The following FBXL2 variants were observed in gnomAD, a reference collection of about 807,000 sequenced individuals.
The protein encoded by FBXL2 is F-box/LRR-repeat protein 2.
FBXL2 carries 38 observed loss-of-function variants against 69.2 expected under a neutral mutation model. The ratio of observed to expected loss-of-function variants is 0.55; its 90% confidence interval spans 0.42 to 0.72. The LOEUF (loss-of-function observed/expected upper bound fraction) is 0.72, where lower values mean the gene tolerates loss of function less well. Among genes scored for constraint, FBXL2 ranks in the 30% least tolerant of loss-of-function variants. FBXL2 has a pLI of 0.00. For missense variants in FBXL2, 354 were observed against 520.3 expected, an observed-to-expected ratio of 0.68 and a Z score of 3.11; for synonymous variants, 192 against 201.3, an observed-to-expected ratio of 0.95 and a Z score of 0.39.
intron 2 of FBXL2, among the ~76,000 whole-genome samples, chr3:33,328,643 C>T (rs1213423334): frequency 6.6e-6 from 1 of 152,036 alleles, no homozygotes; most frequent in East Asian, 1.9e-4. Context: ...CTGGATAACC[C>T]TATCCAGAAA....
At chr3:33,378,065 T>C in intron 11 of FBXL2, 38 bp from the exon 12 acceptor site, 1 of 1,608,242 alleles carries the variant, frequency 6.2e-7, no homozygotes. Context: ...CTGTCACCAC[T>C]GACTCACATG....
At chr3:33,383,462 T>G (rs1244400420) in intron 13 of FBXL2, 1 of 160,030 alleles carries the variant, frequency 6.2e-6, no homozygotes, top group African/African-American at 2.4e-5. Context: ...TAATGTCAGA[T>G]CACACTGTTC....
intron 2 of FBXL2, 28 bp downstream of exon 2, chr3:33,297,753 A>G (rs1266693026): frequency 1.5e-6 from 2 of 1,312,064 alleles, no homozygotes; most frequent in Non-Finnish European, 2.2e-6. Flanking sequence ...CTGGATGAAG[A>G]GTTTAGATCT....
chr3:33,409,621 G>A, the FBXL2 span: 2 of 1,613,994 alleles, frequency 1.2e-6, no homozygotes, highest in Non-Finnish European at 1.7e-6. Context: ...GATTCAGGCT[G>A]AAATGGATTC....
chr3:33,294,254 G>A (rs2035532125), intron 1 of FBXL2, among the ~76,000 whole-genome samples: 1 of 151,956 alleles, frequency 6.6e-6, no homozygotes, highest in Non-Finnish European at 1.5e-5. Flanking sequence ...ATGCCACCAT[G>A]CCCTGCTGAT....
At position 33,373,855 on chromosome 3, in the gene FBXL2, T is replaced by C. The variant is rs2042458363; in HGVS notation, c.591T>C (p.Asp197=). The C allele has an allele frequency of 6.2e-7, 1 of 1,614,242 alleles. No individual in the cohort carries two copies. ...TTTCTCTGTCCACTCAGTTAGAAGATGAAGCTCTGAAACACATTCAGAATT... is the reference window on the plus strand; with the variant it reads ...TTTCTCTGTCCACTCAGTTAGAAGACGAAGCTCTGAAACACATTCAGAATT... The part of the protein sequence containing the change: ...LLLRGCTQLE[D]EALKHIQNYC... Residue 197 remains aspartate, a synonymous_variant, in exon 9 of 15, where the codon GAT becomes GAC. Transcript: ENST00000484457.
chr3:33,279,272 TC>T (rs1262665688), intron 1 of FBXL2, among the ~76,000 whole-genome samples: 6 of 151,680 alleles, frequency 4.0e-5, no homozygotes, highest in Non-Finnish European at 5.9e-5. Flanking sequence ...AAAACTGTAT[TC>T]TTTTTTTTTT....
intron 13 of FBXL2, chr3:33,382,582 T>G (rs2043136413): frequency 6.6e-6 from 1 of 151,858 alleles, no homozygotes; most frequent in Admixed American, 6.6e-5. Context: ...TGTGATTTAT[T>G]TATCCTTTCT....
chr3:33,373,348 G>T lies in FBXL2; in HGVS notation c.448G>T (p.Gly150Trp). ...GTCTATTACAAACAGCTCCTTGAAG[G>T]GGATCAGGTAAGAGTGCCCATTGTT... ...CVSITNSSLK[G>W]ISEGCRNLEY... The change falls in exon 7 of 15, where the codon GGG becomes TGG. Residue 150 changes from glycine (G) to tryptophan (W), a missense_variant. Gly to Trp is a radical substitution (Grantham distance 184). Coordinates refer to ENST00000484457, the MANE Select transcript of FBXL2 (RefSeq NM_012157.5). 6.2e-7 allele frequency: 1 copy of T among 1,610,644 alleles called. No individual in the cohort carries two copies. The highest frequency in any genetic ancestry group is 1.1e-5 in the South Asian group (1 of 91,006).
chr3:33,383,725 C>T (rs2043214324), intron 13 of FBXL2: 2 of 443,268 alleles, frequency 4.5e-6, no homozygotes, highest in Middle Eastern at 6.6e-4. Context: ...CAAAGGGCCC[C>T]AAGGCTTTGT....
At chr3:33,290,769 A>C (rs966630277) in intron 1 of FBXL2, among the ~76,000 whole-genome samples, 1 of 152,194 alleles carries the variant, frequency 6.6e-6, no homozygotes, top group Non-Finnish European at 1.5e-5. Flanking sequence ...GAGCAGGGAC[A>C]GAAGTCTGAA....
intron 1 of FBXL2, among the ~76,000 whole-genome samples, chr3:33,281,861 TC>T (rs2034048671): frequency 6.6e-6 from 1 of 152,352 alleles, no homozygotes; most frequent in South Asian, 2.1e-4. Flanking sequence ...AAGTGTCTGT[TC>T]ATATCCGTTG....
intron 2 of FBXL2, among the ~76,000 whole-genome samples, chr3:33,341,517 G>T (rs1235822232): frequency 3.9e-5 from 6 of 151,948 alleles, no homozygotes; most frequent in African/African-American, 1.5e-4. Flanking sequence ...AGAAATGGAG[G>T]GTAGTACTGT....
chr3:33,316,162 G>A (rs1308982663), intron 2 of FBXL2, among the ~76,000 whole-genome samples: 6 of 151,494 alleles, frequency 4.0e-5, no homozygotes, highest in African/African-American at 1.5e-4. Flanking sequence ...GGGTTCAAGT[G>A]ATTCTCTTGC....
chr3:33,303,488 A>G (rs952004983), intron 2 of FBXL2, among the ~76,000 whole-genome samples: 6 of 152,180 alleles, frequency 3.9e-5, no homozygotes, highest in Admixed American at 6.6e-5. Context: ...TTTGGATTTT[A>G]TATCTATATT....
chr3:33,283,676 C>T (rs2125675284), intron 1 of FBXL2, among the ~76,000 whole-genome samples: 1 of 152,210 alleles, frequency 6.6e-6, no homozygotes, highest in East Asian at 1.9e-4. Flanking sequence ...TCTGTCTGGT[C>T]CTGGACTTTT....
At chr3:33,340,254 T>C (rs1239770456) in intron 2 of FBXL2, among the ~76,000 whole-genome samples, 1 of 152,130 alleles carries the variant, frequency 6.6e-6, no homozygotes. Context: ...TTTGTATACC[T>C]TAGTGGATGA....
At chr3:33,364,532 A>C (rs1186448981) in intron 4 of FBXL2, 93 bp from the exon 5 acceptor site, 1 of 1,116,736 alleles carries the variant, frequency 9.0e-7, no homozygotes. Flanking sequence ...ACTTGGAAAA[A>C]TATATTCAGT....
At chr3:33,373,823 CTT>C (rs996029070) in intron 8 of FBXL2, 22 bp from the exon 9 acceptor site, 1 of 1,614,080 alleles carries the variant, frequency 6.2e-7, no homozygotes, top group African/African-American at 1.3e-5. Flanking sequence ...TTCCAGCTGT[CTT>C]TTGTTTTCTC....
Sources: gnomAD v4.1 joint callset for allele counts (sites outside exome capture counted in the v4.1 genomes callset) on GRCh38, gnomAD v4.1.1 for gene constraint, MANE v1.5 for transcripts, NCBI Gene and HGNC (gene_info 2026-07-23, HGNC 2026-07-21) for gene names.